Variants in CAMK1D observed in about 807,000 individuals in gnomAD.
The protein encoded by CAMK1D is calcium/calmodulin dependent protein kinase ID, also known as calcium/calmodulin-dependent protein kinase type 1D.
In CAMK1D, 9 loss-of-function variants were observed where a neutral mutation model predicts 47.7. That is an observed-to-expected ratio of 0.19 (90% confidence interval 0.11 to 0.33). CAMK1D has a LOEUF of 0.33. Ranked by LOEUF, CAMK1D falls within the 10% of genes least tolerant of loss-of-function variation. The pLI is 1.00. For missense variants in CAMK1D, 291 were observed against 488.7 expected (o/e 0.60, Z 3.81); for synonymous variants, 184 against 184.9 (o/e 0.99, Z 0.04).
At chr10:12,371,136 A>G (rs907932352) in intron 1 of CAMK1D, among the ~76,000 whole-genome samples, 1 of 152,166 alleles carries the variant, frequency 6.6e-6, no homozygotes, top group African/African-American at 2.4e-5. Context: ...TACAATATGT[A>G]TAAAGTCTAC....
At chr10:12,505,157 C>A (rs1834832020) in intron 1 of CAMK1D, among the ~76,000 whole-genome samples, 3 of 152,112 alleles carry the variant, frequency 2.0e-5, no homozygotes, top group Non-Finnish European at 4.4e-5. Context: ...GATGCAGAAG[C>A]CGTCCGTGTG....
chr10:12,607,126 A>T (rs1838486034), intron 2 of CAMK1D, among the ~76,000 whole-genome samples: 1 of 152,158 alleles, frequency 6.6e-6, no homozygotes, highest in African/African-American at 2.4e-5. Context: ...CGCCTGGCCC[A>T]GAAGTAACAG....
chr10:12,490,788 T>C (rs960635014), intron 1 of CAMK1D, among the ~76,000 whole-genome samples: 4 of 152,096 alleles, frequency 2.6e-5, no homozygotes, highest in African/African-American at 9.7e-5. Flanking sequence ...GAGGTTGCAA[T>C]GAGCCAAAAA....
intron 3 of CAMK1D, among the ~76,000 whole-genome samples, chr10:12,703,284 C>T (rs1267853070): frequency 6.6e-6 from 1 of 152,096 alleles, no homozygotes; most frequent in African/African-American, 2.4e-5. Flanking sequence ...TCCTATTGGA[C>T]CTACACACTC....
intron 2 of CAMK1D, among the ~76,000 whole-genome samples, chr10:12,664,587 C>T (rs1188748896): frequency 6.6e-6 from 1 of 152,160 alleles, no homozygotes; most frequent in East Asian, 1.9e-4. Context: ...CTTGACTCAA[C>T]CTCCAAGGCA....
intron 1 of CAMK1D, among the ~76,000 whole-genome samples, chr10:12,473,611 T>A (rs1007211619): frequency 2.0e-5 from 3 of 152,044 alleles, no homozygotes; most frequent in Non-Finnish European, 4.4e-5. Context: ...GAGGCTGAGA[T>A]TTGTTGAGGT....
In CAMK1D at chr10:12,401,191, ATT is replaced by A. The variant is rs1407686381; in HGVS notation, c.92+51284_92+51285del. Among the ~76,000 whole-genome samples, 20 of 48,600 alleles carry A rather than the reference ATT, an allele frequency of 4.1e-4. 2 individuals are homozygous for A. Among genetic ancestry groups the A allele is most frequent in the African/African-American group, 1.9e-3 (20 of 10,594 alleles). 31.9% of individuals were successfully genotyped at this position (48,600 alleles called of 152,430 possible). A position where few individuals can be genotyped will look rare whatever the true frequency, so the allele number is the denominator to read the frequency against. ...TATGTATTATATATATTATATATAT[ATT>A]TTATATATATATAATATATGTATTA... On this transcript the variant is annotated intron_variant, in intron 1 of 10. Coordinates refer to ENST00000619168, the MANE Select transcript of CAMK1D (RefSeq NM_153498.4).
At position 12,750,246 on chromosome 10, in the gene CAMK1D, G is replaced by A. The variant is rs79391307; in HGVS notation, c.300-10702G>A. On this transcript the variant is annotated intron_variant, in intron 3 of 10. Transcript: ENST00000619168. ...CTGTCCATGTGGCACAGTTTGGGCT[G>A]TGACATTGCCAGCCAGTTGTCCCCA... Among the ~76,000 whole-genome samples the A allele has an allele frequency of 2.6e-3, 401 of 152,286 alleles. 5 individuals carry two copies. The East Asian group carries it at 0.037, about 14-fold the overall frequency.
chr10:12,554,804 A>G (rs1019287282), intron 2 of CAMK1D, among the ~76,000 whole-genome samples: 1 of 151,914 alleles, frequency 6.6e-6, no homozygotes, highest in Non-Finnish European at 1.5e-5. Flanking sequence ...GCAGCCTCCC[A>G]GATTGCTGGG....
chr10:12,425,045 C>T lies in CAMK1D; in HGVS notation c.92+75135C>T, dbSNP rs1166240426. ...GGCCTTCCATGATTGATGTGCCACC[C>T]GAGTCACATTCTGCTCCAGCCACAC... On this transcript the variant is annotated intron_variant, in intron 1 of 10. Coordinates refer to ENST00000619168, the MANE Select transcript of CAMK1D (RefSeq NM_153498.4). Among the ~76,000 whole-genome samples the T allele has an allele frequency of 7.2e-5, 11 of 152,270 alleles. No individual in the cohort carries two copies. In the East Asian group the frequency reaches 1.2e-3, roughly 16 times the overall value.
intron 1 of CAMK1D, among the ~76,000 whole-genome samples, chr10:12,476,932 C>T (rs1025849818): frequency 2.6e-5 from 4 of 152,026 alleles, no homozygotes; most frequent in African/African-American, 4.8e-5. Context: ...GTGGCTGTTA[C>T]GGGAAAGACA....
At chr10:12,395,040 CTTATT>C (rs889203567) in intron 1 of CAMK1D, among the ~76,000 whole-genome samples, 28 of 147,564 alleles carry the variant, frequency 1.9e-4, no homozygotes, top group Middle Eastern at 3.4e-3. Context: ...AACAGTTACA[CTTATT>C]TTATTTTTTT....
At position 12,349,648 on chromosome 10, in the gene CAMK1D, G is replaced by C. The variant is rs1278412933; in HGVS notation, c.-171G>C. The C allele has an allele frequency of 1.9e-5, 3 of 158,506 alleles. No individual in the cohort carries two copies. Among genetic ancestry groups the C allele is most frequent in the Admixed American group, 6.5e-5 (1 of 15,328 alleles). 9.8% of individuals were successfully genotyped at this position (158,506 alleles called of 1,614,324 possible). On this transcript the variant is annotated 5_prime_UTR_variant, in exon 1 of 11. Coordinates refer to ENST00000619168, the MANE Select transcript of CAMK1D (RefSeq NM_153498.4). ...ACAGCAGAAATAAGAGCCAGGGAGG[G>C]ACCGCGGCCGCGGCGGCGGCGGCGA...
intron 1 of CAMK1D, among the ~76,000 whole-genome samples, chr10:12,547,522 T>C (rs1482513169): frequency 1.3e-5 from 2 of 152,196 alleles, no homozygotes; most frequent in African/African-American, 4.8e-5. Flanking sequence ...TAAAACTTTG[T>C]CACTCTGTCC....
intron 2 of CAMK1D, among the ~76,000 whole-genome samples, chr10:12,559,918 G>T (rs1372396650): frequency 6.6e-5 from 10 of 152,142 alleles, no homozygotes; most frequent in Admixed American, 6.5e-4. Context: ...AATCCCTGGG[G>T]CCGAAGTCAG....
chr10:12,665,304 C>G (rs1164881133), intron 2 of CAMK1D, among the ~76,000 whole-genome samples: 1 of 152,198 alleles, frequency 6.6e-6, no homozygotes, highest in Non-Finnish European at 1.5e-5. Flanking sequence ...TCTTTCATCT[C>G]AAAAAGAAGA....
At chr10:12,657,790 T>C (rs11595685) in intron 2 of CAMK1D, among the ~76,000 whole-genome samples, 42,597 of 152,044 alleles carry the variant, frequency 0.28, 6,445 homozygotes, top group Middle Eastern at 0.39. Context: ...CATTTAAATA[T>C]ACACACACAC....
At chr10:12,699,072 C>T (rs1354969708) in intron 3 of CAMK1D, among the ~76,000 whole-genome samples, 1 of 152,054 alleles carries the variant, frequency 6.6e-6, no homozygotes, top group Non-Finnish European at 1.5e-5. Flanking sequence ...GAAATTCTCC[C>T]CAAATTGCCC....
chr10:12,557,163 C>G (rs982274301), intron 2 of CAMK1D, among the ~76,000 whole-genome samples: 1 of 152,116 alleles, frequency 6.6e-6, no homozygotes, highest in Admixed American at 6.5e-5. Flanking sequence ...GGAGGATGCC[C>G]TGGTAGAGAG....
Sources: allele counts gnomAD v4.1 joint callset (sites outside exome capture counted in the v4.1 genomes callset), GRCh38; gene constraint gnomAD v4.1.1; transcripts MANE v1.5; gene names NCBI Gene and HGNC (gene_info 2026-07-23, HGNC 2026-07-21).